CGN: variants seen among roughly 807,000 people sequenced by gnomAD.
CGN encodes cingulin.
Under a neutral mutation model 157.1 loss-of-function variants are expected in CGN, and 121 were observed. That is an observed-to-expected ratio of 0.77 (90% CI 0.66 to 0.90). CGN has a LOEUF of 0.90. Among genes scored for constraint, CGN ranks in the 40% least tolerant of loss-of-function variants. The pLI, the probability that CGN is intolerant of heterozygous loss-of-function variation, is 0.00. For missense variants in CGN, 1,424 were observed against 1,520.9 expected, an observed-to-expected ratio of 0.94 and a Z score of 1.06; for synonymous variants, 535 against 607.5, an observed-to-expected ratio of 0.88 and a Z score of 1.76.
rs758200149 is a variant in CGN, at chr1:151,519,237, A to G, written c.718A>G (p.Lys240Glu). ...CACCAACCACTGGACCTCTAGCACA[A>G]AATATGACAACCATGTGGGCACTTC... ...QSTNHWTSST[K>E]YDNHVGTSKQ... The change falls in exon 2 of 21, where the codon AAA becomes GAA. Residue 240 changes from lysine to glutamate, a missense_variant. Transcript: ENST00000271636. The G allele has an allele frequency of 6.2e-7, 1 of 1,614,150 alleles. No individual in the cohort carries two copies. Among genetic ancestry groups the G allele is most frequent in the South Asian group, 1.1e-5 (1 of 91,088 alleles).
At chr1:151,534,268 C>T (rs546652672) in intron 15 of CGN, 132 bp downstream of exon 15, 3 of 868,768 alleles carry the variant, frequency 3.5e-6, no homozygotes, top group Non-Finnish European at 5.3e-6. Flanking sequence ...AACTTTGAAT[C>T]AATTGCCAAT....
chr1:151,514,244 C>T (rs913607347), intron 1 of CGN, among the ~76,000 whole-genome samples: 3 of 152,150 alleles, frequency 2.0e-5, no homozygotes, highest in African/African-American at 7.2e-5. Flanking sequence ...AACACTGCCT[C>T]TGAATAATTT....
chr1:151,518,592 G>A lies in CGN; in HGVS notation c.73G>A (p.Glu25Lys). 6.2e-7 allele frequency: 1 copy of A among 1,614,148 alleles called. No homozygotes were observed. The highest frequency in any genetic ancestry group is 1.7e-4 in the Middle Eastern group (1 of 6,060). ...DHGVQIRFIT[E>K]PVSGAEMGTL... The stretch of plus-strand genomic sequence containing the variant: ...TGGAGTCCAGATTCGCTTCATCACA[G>A]AGCCAGTGAGTGGTGCAGAGATGGG... Residue 25 changes from glutamate to lysine, a missense_variant, in exon 2 of 21, where the codon GAG becomes AAG. Physicochemically the swap from Glu to Lys is moderately conservative, Grantham distance 56 (BLOSUM62 1). Transcript: ENST00000271636.
chr1:151,519,254 G>A lies in CGN; in HGVS notation c.735G>A (p.Val245=). The A allele has an allele frequency of 1.2e-6, 2 of 1,614,094 alleles. No homozygotes were observed. Among genetic ancestry groups the A allele is most frequent in the South Asian group, 2.2e-5 (2 of 91,084 alleles). The change falls in exon 2 of 21, where the codon GTG becomes GTA. Residue 245 remains valine, a synonymous_variant. Transcript: ENST00000271636. ...WTSSTKYDNH[V]GTSKQPAQSQ... ...CTAGCACAAAATATGACAACCATGT[G>A]GGCACTTCGAAGCAGCCAGCCCAGA... is the stretch of plus-strand genomic sequence containing the variant.
Position 151,536,849 on chromosome 1 carries a change from T to C in CGN, c.3426T>C (p.Asn1142=), listed in dbSNP as rs1487200690. 3.7e-6 allele frequency: 6 copies of C among 1,614,004 alleles called. No homozygotes were observed. The African/African-American group carries it at 8.0e-5, about 22-fold the overall frequency. Residue 1142 remains asparagine (N), a synonymous_variant, in exon 20 of 21, where the codon AAT becomes AAC. Coordinates refer to ENST00000271636, the MANE Select transcript of CGN (RefSeq NM_020770.3). ...QREVEEQHEV[N]EQLQARIKSL... ...AGGTGGAGGAGCAGCATGAGGTCAA[T>C]GAACAGCTCCAGGCCCGGATCAAGT...
chr1:151,535,043 A>G lies in CGN; in HGVS notation c.2906A>G (p.Glu969Gly). 6.2e-7 allele frequency: 1 copy of G among 1,611,810 alleles called. No homozygotes were observed. Among genetic ancestry groups the G allele is most frequent in the Non-Finnish European group, 8.5e-7 (1 of 1,177,956 alleles). The change falls in exon 16 of 21, where the codon GAA (glutamate) becomes GGA (glycine). Residue 969 changes from glutamate (E) to glycine (G), a missense_variant and splice_region_variant. Around this residue, in one of 3 missense-constraint regions of CGN, gnomAD observed 199 missense variants for 272.2 expected, o/e 0.73. Transcript: ENST00000271636. ...DRARQLKGLE[E>G]KVSRLETELD... Reference sequence around the variant, plus strand: ...GAATTACTTGTTCTTCTGTCCTAGGAAAAAGTCTCACGGCTGGAAACAGAG... The same window carrying G: ...GAATTACTTGTTCTTCTGTCCTAGGGAAAAGTCTCACGGCTGGAAACAGAG...
intron 15 of CGN, chr1:151,534,744 TTC>T: frequency 2.9e-6 from 1 of 342,744 alleles, no homozygotes; most frequent in South Asian, 3.2e-5. Context: ...GTACTTGGGT[TTC>T]TCTCTCTTTT....
chr1:151,529,855 G>A (rs1664789244), intron 11 of CGN, 54 bp from the exon 12 acceptor site: 4 of 1,537,718 alleles, frequency 2.6e-6, no homozygotes, highest in Middle Eastern at 2.3e-4. Flanking sequence ...AAGCCCTGGG[G>A]TCTGAGCTGC....
In CGN at chr1:151,518,673, G is replaced by T; in HGVS notation, c.154G>T (p.Gly52Trp). 1.2e-6 allele frequency: 2 copies of T among 1,614,158 alleles called. No homozygotes were observed. The highest frequency in any genetic ancestry group is 1.7e-6 in the Non-Finnish European group (2 of 1,180,024). ...PAKDARASTY[G>W]VAVRVQGIAG... is the part of the protein sequence containing the mutation. ...TAAGGATGCAAGAGCCAGTACCTACGGGGTTGCTGTGCGTGTGCAGGGAAT... is the reference window on the plus strand; with the variant it reads ...TAAGGATGCAAGAGCCAGTACCTACTGGGTTGCTGTGCGTGTGCAGGGAAT... Residue 52 changes from glycine to tryptophan, a missense_variant, in exon 2 of 21, where the codon GGG (glycine) becomes TGG (tryptophan). Coordinates refer to ENST00000271636, the MANE Select transcript of CGN (RefSeq NM_020770.3).
upstream of CGN, chr1:151,511,259 CG>C (rs1202664087): frequency 6.6e-6 from 1 of 152,400 alleles, no homozygotes; most frequent in Non-Finnish European, 1.5e-5. This position sits in a 1 kb window ranked among gnomAD's most constrained non-coding sequence, Gnocchi z 4.8. Flanking sequence ...TCCCGGTCCC[CG>C]CACCGGAGGC....
chr1:151,520,258 G>A lies in CGN; in HGVS notation c.966G>A (p.Leu322=). 2 of 1,613,254 alleles carry A rather than the reference G, an allele frequency of 1.2e-6. No individual in the cohort carries two copies. The highest frequency in any genetic ancestry group is 1.7e-6 in the Non-Finnish European group (2 of 1,179,656). The stretch of plus-strand genomic sequence containing the variant: ...TGAAGGCCACCATCTATGGCATCCT[G>A]AGGGAGGGGTGAGTGGGGGCCCCCC... ...DHMKATIYGI[L]REGSSESETS... The change falls in exon 3 of 21, where the codon CTG becomes CTA. Residue 322 remains leucine (L), a synonymous_variant. Coordinates refer to ENST00000271636, the MANE Select transcript of CGN (RefSeq NM_020770.3).
rs1370939321 is a variant in CGN at position 151,530,660 on chromosome 1, C to T, written c.2485C>T (p.Gln829Ter). The change falls in exon 13 of 21, where the codon CAG becomes TAG. Residue 829 changes from glutamine (Q) to a stop codon, truncating the protein, a stop_gained. Coordinates refer to ENST00000271636, the MANE Select transcript of CGN (RefSeq NM_020770.3). LOFTEE classifies it high-confidence loss of function. ...CCGGGCCCTGGAGGAGGAAGGGAAG[C>T]AGCGGGAGGTGCTCCGGCGAGGCAA... ...LNRALEEEGK[Q>*]REVLRRGKAE... is the part of the protein sequence containing the mutation. The T allele has an allele frequency of 6.3e-7, 1 of 1,579,792 alleles. No homozygotes were observed. Among genetic ancestry groups the T allele is most frequent in the East Asian group, 2.3e-5 (1 of 43,094 alleles).
chr1:151,516,880 G>A (rs1250274622), intron 1 of CGN, among the ~76,000 whole-genome samples: 2 of 151,420 alleles, frequency 1.3e-5, no homozygotes, highest in African/African-American at 4.9e-5. Flanking sequence ...AATATTTTTG[G>A]CTGGGTGCGT....
intron 1 of CGN, among the ~76,000 whole-genome samples, chr1:151,516,331 T>A (rs1664411904): frequency 6.6e-6 from 1 of 152,126 alleles, no homozygotes; most frequent in Non-Finnish European, 1.5e-5. Flanking sequence ...TGGTGGAGAC[T>A]AGCAGAAGGG....
chr1:151,529,276 A>G, intron 10 of CGN, 74 bp from the exon 11 acceptor site: 2 of 1,279,716 alleles, frequency 1.6e-6, no homozygotes, highest in South Asian at 2.5e-5. Flanking sequence ...AGTGTATGAG[A>G]GTTTCAGCTT....
Position 151,537,848 on chromosome 1 carries a change from T to TG in CGN, c.*506dup, listed in dbSNP as rs1665004139. 1 of 153,362 alleles carries TG rather than the reference T, an allele frequency of 6.5e-6. No individual in the cohort carries two copies. Among genetic ancestry groups the TG allele is most frequent in the South Asian group, 2.1e-4 (1 of 4,868 alleles). The allele number at this position is 153,362 out of a possible 1,614,324, so 9.5% of individuals were successfully genotyped here. A position where few individuals can be genotyped will look rare whatever the true frequency, so the allele number is the denominator to read the frequency against. Reference sequence around the variant, plus strand: ...CTCTACCCATTTCTTTGCACAAGTATGGGGCCCATGTGGTAGTCCCCATAC... The same window carrying TG: ...CTCTACCCATTTCTTTGCACAAGTATGGGGGCCCATGTGGTAGTCCCCATAC... On this transcript the variant is annotated 3_prime_UTR_variant, in exon 21 of 21. Coordinates refer to ENST00000271636, the MANE Select transcript of CGN (RefSeq NM_020770.3).
intron 9 of CGN, among the ~76,000 whole-genome samples, chr1:151,526,325 C>T (rs970412472): frequency 2.0e-5 from 3 of 149,868 alleles, no homozygotes; most frequent in African/African-American, 7.4e-5. Flanking sequence ...ATTATAGGCG[C>T]CTGCCACTAG....
Position 151,511,928 on chromosome 1 carries a change from G to T in CGN, c.-15+413G>T, listed in dbSNP as rs1376156495. ...GCAGACTCGCCAGGGGAGGGCATCTGCAGGTGCTGCTCGCCTGAGGGTCTT... is the reference window on the plus strand; with the variant it reads ...GCAGACTCGCCAGGGGAGGGCATCTTCAGGTGCTGCTCGCCTGAGGGTCTT... On this transcript the variant is annotated intron_variant, in intron 1 of 20. Coordinates refer to ENST00000271636, the MANE Select transcript of CGN (RefSeq NM_020770.3). This position sits in a 1 kb window ranked among gnomAD's most constrained non-coding sequence, Gnocchi z 4.8. Among the ~76,000 whole-genome samples, 2 of 152,170 alleles carry T rather than the reference G, an allele frequency of 1.3e-5. No individual in the cohort carries two copies. The highest frequency in any genetic ancestry group is 4.8e-5 in the African/African-American group (2 of 41,430).
chr1:151,533,029 A>G (rs770843502), intron 14 of CGN, among the ~76,000 whole-genome samples: 2 of 152,006 alleles, frequency 1.3e-5, no homozygotes, highest in Non-Finnish European at 2.9e-5. Context: ...GTGATTTTCA[A>G]ATTCTGTAGC....
Sources: allele counts gnomAD v4.1 joint callset (sites outside exome capture counted in the v4.1 genomes callset), GRCh38; gene constraint gnomAD v4.1.1; regional missense constraint gnomAD v4.1.1; non-coding constraint Gnocchi (gnomAD v3.1); transcripts MANE v1.5; gene names NCBI Gene and HGNC (gene_info 2026-07-23, HGNC 2026-07-21).